The following LARGE1 variants were observed in gnomAD, a reference collection of about 807,000 sequenced individuals.
The protein encoded by LARGE1 is LARGE xylosyl- and glucuronyltransferase 1.
A neutral mutation model predicts 87.6 loss-of-function variants in LARGE1; 43 were observed. The ratio of observed to expected loss-of-function variants is 0.49; its 90% CI spans 0.38 to 0.63. The LOEUF (loss-of-function observed/expected upper bound fraction) is 0.63, where lower values mean the gene tolerates loss of function less well. Ranked by LOEUF, LARGE1 falls within the 30% of genes least tolerant of loss-of-function variation. LARGE1 has a pLI of 0.00. For missense variants in LARGE1, 802 were observed against 1,000.2 expected, an observed-to-expected ratio of 0.80 and a Z score of 2.67; for synonymous variants, 434 against 394.6, an observed-to-expected ratio of 1.10 and a Z score of -1.18.
At chr22:33,069,668 T>C in the LARGE1 span, among the ~76,000 whole-genome samples, 1 of 152,194 alleles carries the variant, frequency 6.6e-6, no homozygotes, top group South Asian at 2.1e-4. Flanking sequence ...AAGTACCCTA[T>C]AAATTTTAGC....
At chr22:33,502,930 T>C (rs1404308927) in intron 6 of LARGE1, among the ~76,000 whole-genome samples, 1 of 152,136 alleles carries the variant, frequency 6.6e-6, no homozygotes, top group Non-Finnish European at 1.5e-5. Flanking sequence ...CTTTTACACA[T>C]CATATCTCAT....
intron 11 of LARGE1, among the ~76,000 whole-genome samples, chr22:33,195,759 T>TC (rs1312902855): frequency 2.3e-5 from 2 of 86,998 alleles, no homozygotes; most frequent in East Asian, 3.4e-4. Flanking sequence ...CTTTTTTCTT[T>TC]TTTTTTTTTT....
At chr22:33,431,971 C>T (rs577714805) in intron 7 of LARGE1, among the ~76,000 whole-genome samples, 190 bp downstream of exon 7, 10 of 152,276 alleles carry the variant, frequency 6.6e-5, no homozygotes, top group Non-Finnish European at 1.2e-4. Flanking sequence ...CACAGCCCAA[C>T]GGTTACTCTA....
At chr22:33,193,077 A>G (rs1923870652) in intron 11 of LARGE1, among the ~76,000 whole-genome samples, 1 of 151,772 alleles carries the variant, frequency 6.6e-6, no homozygotes, top group South Asian at 2.1e-4. Flanking sequence ...GATTCTGTTT[A>G]TGATGTGTGT....
At chr22:33,910,956 G>T (rs560559261) in intron 1 of LARGE1, among the ~76,000 whole-genome samples, 89 of 152,342 alleles carry the variant, frequency 5.8e-4, no homozygotes, top group African/African-American at 2.0e-3. Flanking sequence ...CTGAACAGCT[G>T]CGAGTTGAGT....
intron 6 of LARGE1, among the ~76,000 whole-genome samples, chr22:33,519,744 A>AT (rs1286755773): frequency 6.6e-6 from 1 of 152,170 alleles, no homozygotes; most frequent in Non-Finnish European, 1.5e-5. Context: ...AGGAAAAAAA[A>AT]GAGAAAGAAA....
intron 1 of LARGE1, among the ~76,000 whole-genome samples, chr22:33,913,605 G>A (rs1206859974): frequency 1.3e-5 from 2 of 152,004 alleles, no homozygotes; most frequent in East Asian, 1.9e-4. Context: ...GTGCAGTGGC[G>A]GCATCTCAAC....
chr22:33,879,034 G>C (rs555467694), intron 1 of LARGE1, among the ~76,000 whole-genome samples: 1 of 150,602 alleles, frequency 6.6e-6, no homozygotes, highest in Non-Finnish European at 1.5e-5. Flanking sequence ...ATGCAATGGC[G>C]TGATCTCAGC....
chr22:33,694,544 T>C (rs374366748), intron 2 of LARGE1, among the ~76,000 whole-genome samples: 1 of 151,852 alleles, frequency 6.6e-6, no homozygotes, highest in East Asian at 1.9e-4. Context: ...GGTGGAATAT[T>C]TTTTTTTTCA....
intron 1 of LARGE1, among the ~76,000 whole-genome samples, chr22:33,804,156 A>G (rs541995018): frequency 2.0e-5 from 3 of 152,344 alleles, no homozygotes; most frequent in African/African-American, 7.2e-5. Flanking sequence ...CCTGCTTAAC[A>G]TAACTTTTTG....
At chr22:33,524,528 C>G (rs1454993267) in intron 6 of LARGE1, among the ~76,000 whole-genome samples, 1 of 151,980 alleles carries the variant, frequency 6.6e-6, no homozygotes, top group Non-Finnish European at 1.5e-5. Flanking sequence ...TAACGTCTCA[C>G]CCCTCATCAC....
At position 33,486,242 on chromosome 22, in the gene LARGE1, C is replaced by A. The variant is rs555031218; in HGVS notation, c.788-53977G>T. ...GCTGGGTGTGGGTGGTGCCTGAAGGCGCTTCCATCTCTTTGTTCGAAGAGA... is the reference window on the plus strand; with the variant it reads ...GCTGGGTGTGGGTGGTGCCTGAAGGAGCTTCCATCTCTTTGTTCGAAGAGA... On this transcript the variant is annotated intron_variant, in intron 6 of 14. Coordinates refer to ENST00000397394, the MANE Select transcript of LARGE1 (RefSeq NM_133642.5). Among the ~76,000 whole-genome samples, 3 of 152,268 alleles carry A rather than the reference C, an allele frequency of 2.0e-5. No individual in the cohort carries two copies. The South Asian group carries it at 6.2e-4, about 32-fold the overall frequency.
At chr22:33,393,882 A>T (rs1047416004) in intron 7 of LARGE1, among the ~76,000 whole-genome samples, 8 of 152,254 alleles carry the variant, frequency 5.3e-5, no homozygotes, top group Admixed American at 2.6e-4. Context: ...TAAATAAATT[A>T]AAAATCAAAG....
chr22:33,496,406 CA>C (rs1253719614), intron 6 of LARGE1, among the ~76,000 whole-genome samples: 6 of 152,116 alleles, frequency 3.9e-5, no homozygotes, highest in Non-Finnish European at 7.4e-5. Context: ...GCGAAGTCCT[CA>C]TTAGTGAGAT....
At chr22:33,118,223 C>G in the LARGE1 span, among the ~76,000 whole-genome samples, 1 of 152,104 alleles carries the variant, frequency 6.6e-6, no homozygotes, top group African/African-American at 2.4e-5. Context: ...TGGCTCATGC[C>G]TATAATTCCA....
At chr22:33,730,461 G>A (rs748777926) in intron 2 of LARGE1, among the ~76,000 whole-genome samples, 7 of 152,132 alleles carry the variant, frequency 4.6e-5, no homozygotes, top group Non-Finnish European at 7.3e-5. Context: ...ACTCATGCAC[G>A]CTGTAAATCT....
intron 11 of LARGE1, among the ~76,000 whole-genome samples, chr22:33,182,963 G>A (rs1030805597): frequency 1.3e-5 from 2 of 152,100 alleles, no homozygotes; most frequent in African/African-American, 4.8e-5. Context: ...TTAAGCAGGT[G>A]GGATTATATC....
At chr22:33,199,872 C>T (rs145544618) in intron 11 of LARGE1, among the ~76,000 whole-genome samples, 4,574 of 148,818 alleles carry the variant, frequency 0.031, 97 homozygotes, top group Admixed American at 0.058. Flanking sequence ...TTTTTTGAGA[C>T]GGAGTCTTAC....
intron 7 of LARGE1, among the ~76,000 whole-genome samples, chr22:33,411,827 C>G (rs1459601387): frequency 6.6e-6 from 1 of 152,122 alleles, no homozygotes; most frequent in African/African-American, 2.4e-5. Context: ...AGAAAATACA[C>G]CATTGTATTA....
Sources: allele counts gnomAD v4.1 joint callset (sites outside exome capture counted in the v4.1 genomes callset), GRCh38; gene constraint gnomAD v4.1.1; transcripts MANE v1.5; gene names NCBI Gene and HGNC (gene_info 2026-07-23, HGNC 2026-07-21).